PAPSS1: variants seen among roughly 807,000 people sequenced by gnomAD.
PAPSS1 encodes bifunctional 3'-phosphoadenosine 5'-phosphosulfate synthase 1.
A neutral mutation model predicts 72.0 loss-of-function variants in PAPSS1; 50 were observed. The observed-to-expected ratio is 0.69, with a 90% confidence interval of 0.55 to 0.88. The LOEUF (loss-of-function observed/expected upper bound fraction) is 0.88, where lower values mean the gene tolerates loss of function less well. PAPSS1 is among the 40% of genes least tolerant of loss of function. The pLI, the probability that PAPSS1 is intolerant of heterozygous loss-of-function variation, is 0.00. For missense variants in PAPSS1, 657 were observed against 782.2 expected (o/e 0.84, Z 1.91); for synonymous variants, 261 against 263.6 (o/e 0.99, Z 0.09).
chr4:107,694,535 T>C (rs1236211791), intron 2 of PAPSS1, among the ~76,000 whole-genome samples: 1 of 152,178 alleles, frequency 6.6e-6, no homozygotes, highest in African/African-American at 2.4e-5. Flanking sequence ...GGAATTCACT[T>C]TGTCCTCTCG....
chr4:107,638,472 A>G (rs928475179), intron 10 of PAPSS1, among the ~76,000 whole-genome samples: 8 of 152,122 alleles, frequency 5.3e-5, no homozygotes, highest in African/African-American at 1.4e-4. Flanking sequence ...CCAGCAACCA[A>G]ACTAATTTTA....
At chr4:107,672,531 C>A (rs370470407) in intron 5 of PAPSS1, among the ~76,000 whole-genome samples, 7 of 152,182 alleles carry the variant, frequency 4.6e-5, no homozygotes, top group Admixed American at 3.9e-4. Flanking sequence ...GGGGTGCCCA[C>A]CACTGCCAAG....
chr4:107,614,238 G>A lies in PAPSS1; in HGVS notation c.*11C>T. Reference sequence around the variant, plus strand: ...GTAATGTGTCAAAGGTGGAGTGACTGGGTTAACAGCCTAAGCTTTCTCCAA... The same window carrying A: ...GTAATGTGTCAAAGGTGGAGTGACTAGGTTAACAGCCTAAGCTTTCTCCAA... On this transcript the variant is annotated 3_prime_UTR_variant, in exon 12 of 12. Transcript: ENST00000265174. The A allele has an allele frequency of 6.2e-7, 1 of 1,611,214 alleles. No individual in the cohort carries two copies. Among genetic ancestry groups the A allele is most frequent in the South Asian group, 1.1e-5 (1 of 90,536 alleles).
At position 107,656,107 on chromosome 4, in the gene PAPSS1, T is replaced by A. The variant is rs191970772; in HGVS notation, c.895+789A>T. Among the ~76,000 whole-genome samples, 549 of 152,226 alleles carry A rather than the reference T, an allele frequency of 3.6e-3. 2 individuals are homozygous for A. Among genetic ancestry groups the A allele is most frequent in the Non-Finnish European group, 6.6e-3 (446 of 68,010 alleles). On this transcript the variant is annotated intron_variant, in intron 7 of 11. Transcript: ENST00000265174. ...TAATGATTATATGTTGGACATCATT[T>A]TTTATTTATTTATTTGTTTTTTTGA...
chr4:107,644,099 C>T (rs962619718), intron 10 of PAPSS1, among the ~76,000 whole-genome samples: 8 of 152,210 alleles, frequency 5.3e-5, no homozygotes, highest in African/African-American at 1.9e-4. Context: ...ATTATTTCCA[C>T]TAGACCATGC....
At chr4:107,615,243 T>C (rs1207145330) in intron 11 of PAPSS1, among the ~76,000 whole-genome samples, 2 of 152,200 alleles carry the variant, frequency 1.3e-5, no homozygotes, top group Non-Finnish European at 2.9e-5. Flanking sequence ...AGCTATGGCA[T>C]ATATTGCTTA....
chr4:107,626,601 C>T (rs997724013), intron 11 of PAPSS1, among the ~76,000 whole-genome samples: 2 of 152,144 alleles, frequency 1.3e-5, no homozygotes, highest in Non-Finnish European at 2.9e-5. Flanking sequence ...CAACGTTTTG[C>T]CTGAAATCTT....
intron 11 of PAPSS1, among the ~76,000 whole-genome samples, chr4:107,630,208 T>A (rs1270667273): frequency 1.3e-5 from 2 of 152,254 alleles, no homozygotes; most frequent in East Asian, 3.8e-4. Context: ...ATGGAGCTTA[T>A]GTTAAGAAAT....
At chr4:107,631,962 C>T (rs886695966) in intron 10 of PAPSS1, 102 bp from the exon 11 acceptor site, 9 of 760,170 alleles carry the variant, frequency 1.2e-5, no homozygotes, top group South Asian at 4.0e-5. Flanking sequence ...AAATCATTAT[C>T]GGTAGGAAAT....
At chr4:107,648,179 C>T (rs1378763393) in intron 9 of PAPSS1, among the ~76,000 whole-genome samples, 2 of 152,196 alleles carry the variant, frequency 1.3e-5, no homozygotes, top group Admixed American at 6.5e-5. Flanking sequence ...AAGTCTGATC[C>T]CTTTCCTTCC....
rs138626274 is a variant in PAPSS1, at chr4:107,710,725, A to ATCTC, written c.60+9391_60+9394dup. Among the ~76,000 whole-genome samples, 8 of 150,376 alleles carry ATCTC rather than the reference A, an allele frequency of 5.3e-5. No individual in the cohort carries two copies. The South Asian group carries it at 1.3e-3, about 24-fold the overall frequency. On this transcript the variant is annotated intron_variant, in intron 1 of 11. Coordinates refer to ENST00000265174, the MANE Select transcript of PAPSS1 (RefSeq NM_005443.5). Reference sequence around the variant, plus strand: ...TCTCCGTTCAGGGTCAACAGCTTAAATCTCTCTCTCTCTCTCTGGGTGTGA... The same window carrying ATCTC: ...TCTCCGTTCAGGGTCAACAGCTTAAATCTCTCTCTCTCTCTCTCTCTGGGTGTGA...
intron 5 of PAPSS1, among the ~76,000 whole-genome samples, chr4:107,675,911 T>A (rs1218485052): frequency 6.6e-6 from 1 of 152,112 alleles, no homozygotes; most frequent in Non-Finnish European, 1.5e-5. Context: ...ATCCAGCATA[T>A]AAACAGAACC....
intron 10 of PAPSS1, among the ~76,000 whole-genome samples, chr4:107,642,960 A>G (rs150562519): frequency 3.9e-5 from 6 of 152,314 alleles, no homozygotes; most frequent in Non-Finnish European, 5.9e-5. Context: ...GAATGTCCAC[A>G]AAAAGACATG....
chr4:107,621,621 T>TTTTTTTTTG, intron 11 of PAPSS1, among the ~76,000 whole-genome samples: 1 of 114,190 alleles, frequency 8.8e-6, no homozygotes, highest in African/African-American at 3.5e-5. Flanking sequence ...TTTTTTTTTT[T>TTTTTTTTTG]TTTTTTTTTT....
chr4:107,668,011 T>C (rs138757269), intron 5 of PAPSS1, among the ~76,000 whole-genome samples: 12 of 152,340 alleles, frequency 7.9e-5, no homozygotes, highest in African/African-American at 2.6e-4. Context: ...GCCTCTCCCA[T>C]TTCTTAATCC....
intron 1 of PAPSS1, among the ~76,000 whole-genome samples, chr4:107,706,807 T>A (rs1016270287): frequency 1.3e-5 from 2 of 152,252 alleles, no homozygotes; most frequent in South Asian, 4.1e-4. Flanking sequence ...GGGAAGGCCA[T>A]CTGGCATGGT....
chr4:107,675,369 C>A, intron 5 of PAPSS1, among the ~76,000 whole-genome samples: 1 of 152,170 alleles, frequency 6.6e-6, no homozygotes, highest in Non-Finnish European at 1.5e-5. Flanking sequence ...CCCGATCCCA[C>A]AGAAATACAA....
chr4:107,720,168 G>T lies in PAPSS1; in HGVS notation c.12C>A (p.Pro4=), dbSNP rs748786832. 1 of 1,604,064 alleles carries T rather than the reference G, an allele frequency of 6.2e-7. No homozygotes were observed. Among genetic ancestry groups the T allele is most frequent in the Non-Finnish European group, 8.5e-7 (1 of 1,175,886 alleles). ...GTTTGACTTTCTTGCACAGGCTCCC[G>T]GGGATCTCCATGACCGCGGAGCGCG... MEI[P]GSLCKKVKLS... The change falls in exon 1 of 12, where the codon CCC becomes CCA. Residue 4 remains proline, a synonymous_variant. Coordinates refer to ENST00000265174, the MANE Select transcript of PAPSS1 (RefSeq NM_005443.5).
At chr4:107,643,069 C>T (rs1353779577) in intron 10 of PAPSS1, among the ~76,000 whole-genome samples, 2 of 152,144 alleles carry the variant, frequency 1.3e-5, no homozygotes, top group East Asian at 1.9e-4. Flanking sequence ...CAGCGAAACA[C>T]CACACAGCAC....
Sources: allele counts gnomAD v4.1 joint callset (sites outside exome capture counted in the v4.1 genomes callset), GRCh38; gene constraint gnomAD v4.1.1; transcripts MANE v1.5; gene names NCBI Gene and HGNC (gene_info 2026-07-23, HGNC 2026-07-21).